The following CHD7 variants were observed in gnomAD, a reference collection of about 807,000 sequenced individuals.
CHD7 encodes chromodomain helicase DNA binding protein 7, also known as ATP-dependent chromatin remodeler CHD7.
A neutral mutation model predicts 307.3 loss-of-function variants in CHD7; 24 were observed. The observed-to-expected ratio is 0.08, with a 90% CI of 0.06 to 0.11. CHD7 has a LOEUF of 0.11. Ranked by LOEUF, CHD7 falls within the 10% of genes least tolerant of loss-of-function variation. CHD7 has a pLI of 1.00. For synonymous variants in CHD7, 1,363 were observed against 1,349.9 expected (o/e 1.01, Z -0.21); for missense variants, 3,106 against 3,727.1 (o/e 0.83, Z 4.34).
At chr8:60,836,030 A>C in intron 15 of CHD7, 43 bp from the exon 16 acceptor site, 1 of 1,458,718 alleles carries the variant, frequency 6.9e-7, no homozygotes, top group Non-Finnish European at 9.4e-7. Context: ...TTAGTAATAA[A>C]AACCTTTTAC....
chr8:60,708,751 G>C (rs1187746703), intron 1 of CHD7, among the ~76,000 whole-genome samples: 6 of 152,122 alleles, frequency 3.9e-5, no homozygotes, highest in Admixed American at 1.3e-4. Context: ...AATTCTGCTT[G>C]TTTTCAGGTT....
chr8:60,683,173 T>C (rs1479272969), intron 1 of CHD7, among the ~76,000 whole-genome samples: 2 of 152,350 alleles, frequency 1.3e-5, no homozygotes, highest in East Asian at 3.9e-4. Context: ...GTTTCATTAG[T>C]TCAGGAGATA....
intron 2 of CHD7, among the ~76,000 whole-genome samples, chr8:60,771,359 T>C (rs2150645114): frequency 6.6e-6 from 1 of 152,358 alleles, no homozygotes; most frequent in South Asian, 2.1e-4. Flanking sequence ...TTTCAGATTT[T>C]GGAATATTTG....
At chr8:60,728,562 G>C (rs1230433221) in intron 1 of CHD7, among the ~76,000 whole-genome samples, 1 of 152,154 alleles carries the variant, frequency 6.6e-6, no homozygotes, top group Non-Finnish European at 1.5e-5. Flanking sequence ...GTCTCGCTCT[G>C]TCGCCCAGGC....
chr8:60,717,672 C>T lies in CHD7; in HGVS notation c.-174-23587C>T, dbSNP rs533040945. ...TGCCATATAATGATGTTTTGGTCAGCGATGGGCCACATATACAACAGTGGT... is the reference window on the plus strand; with the variant it reads ...TGCCATATAATGATGTTTTGGTCAGTGATGGGCCACATATACAACAGTGGT... On this transcript the variant is annotated intron_variant, in intron 1 of 37. Coordinates refer to ENST00000423902, the MANE Select transcript of CHD7 (RefSeq NM_017780.4). 1.6e-4 allele frequency among the ~76,000 whole-genome samples: 24 copies of T among 152,186 alleles called. No homozygotes were observed. In the South Asian group the frequency reaches 4.4e-3, roughly 28 times the overall value.
chr8:60,742,282 G>T lies in CHD7; in HGVS notation c.850G>T (p.Ala284Ser). Residue 284 changes from alanine (A) to serine (S), a missense_variant, in exon 2 of 38, where the codon GCT becomes TCT. Ala to Ser is a moderately conservative substitution (Grantham distance 99). Coordinates refer to ENST00000423902, the MANE Select transcript of CHD7 (RefSeq NM_017780.4). ...RFSPNPPQQGAVRPQTLNFSS... is the reference protein window; with the variant it reads ...RFSPNPPQQGSVRPQTLNFSS... ...CTCCCCGAATCCTCCCCAACAAGGGGCTGTTAGGCCGCAAACCCTTAACTT... is the reference window on the plus strand; with the variant it reads ...CTCCCCGAATCCTCCCCAACAAGGGTCTGTTAGGCCGCAAACCCTTAACTT... 6.2e-7 allele frequency: 1 copy of T among 1,613,912 alleles called. No individual in the cohort carries two copies. Among genetic ancestry groups the T allele is most frequent in the Non-Finnish European group, 8.5e-7 (1 of 1,179,898 alleles).
rs955067555 is a variant in CHD7 at position 60,860,900 on chromosome 8, G to T, written c.7609-4G>T. The T allele has an allele frequency of 1.2e-6, 2 of 1,607,516 alleles. No homozygotes were observed. Among genetic ancestry groups the T allele is most frequent in the East Asian group, 2.2e-5 (1 of 44,824 alleles). On this transcript the variant is annotated splice_region_variant and splice_polypyrimidine_tract_variant and intron_variant, in intron 34 of 37. Coordinates refer to ENST00000423902, the MANE Select transcript of CHD7 (RefSeq NM_017780.4). ...GAATTCATACCATTGTGAACTTTCT[G>T]CAGGAGGATGCTGAGGTGACCAAAG...
intron 2 of CHD7, among the ~76,000 whole-genome samples, chr8:60,753,649 C>T (rs1396585412): frequency 6.6e-6 from 1 of 151,574 alleles, no homozygotes; most frequent in African/African-American, 2.4e-5. Context: ...GAGATGGAGT[C>T]TTGCTCTGTC....
At chr8:60,743,429 CTCTT>C (rs1487927476) in intron 2 of CHD7, among the ~76,000 whole-genome samples, 2 of 152,194 alleles carry the variant, frequency 1.3e-5, no homozygotes, top group African/African-American at 2.4e-5. Context: ...TTTATTCTTT[CTCTT>C]TCTTTGTGTG....
At position 60,802,986 on chromosome 8, in the gene CHD7, G is replaced by A. The variant is rs535796780; in HGVS notation, c.2442+1393G>A. 2.6e-5 allele frequency among the ~76,000 whole-genome samples: 4 copies of A among 152,294 alleles called. No homozygotes were observed. The South Asian group carries it at 8.3e-4, about 32-fold the overall frequency. ...TCCAGTTGAGTATAGGGGATACGGG[G>A]TATGGAGTGACTGGCCATCTTGGTG... On this transcript the variant is annotated intron_variant, in intron 6 of 37. Transcript: ENST00000423902.
Position 60,852,844 on chromosome 8 carries a change from C to T in CHD7, c.6119C>T (p.Ser2040Phe). 1 of 1,612,550 alleles carries T rather than the reference C, an allele frequency of 6.2e-7. No individual in the cohort carries two copies. Among genetic ancestry groups the T allele is most frequent in the Non-Finnish European group, 8.5e-7 (1 of 1,178,768 alleles). Reference sequence around the variant, plus strand: ...TGTGTTACAGAACCGCCCGACCTCTCCTCCATAATTGAGCCGATCACAGAG... The same window carrying T: ...TGTGTTACAGAACCGCCCGACCTCTTCTCCATAATTGAGCCGATCACAGAG... ...VKPDDEPPDL[S>F]SIIEPITEER... is the part of the protein sequence containing the mutation. Residue 2040 changes from serine to phenylalanine, a missense_variant, in exon 31 of 38, where the codon TCC (serine) becomes TTC (phenylalanine). Physicochemically the swap from Ser to Phe is radical, Grantham distance 155. Coordinates refer to ENST00000423902, the MANE Select transcript of CHD7 (RefSeq NM_017780.4).
intron 2 of CHD7, among the ~76,000 whole-genome samples, chr8:60,779,969 C>T (rs758424493): frequency 3.3e-5 from 5 of 152,064 alleles, no homozygotes; most frequent in Admixed American, 1.3e-4. Flanking sequence ...CATAGTAGAT[C>T]GTTTACATTA....
intron 31 of CHD7, 52 bp downstream of exon 31, chr8:60,853,552 G>A: frequency 1.4e-6 from 2 of 1,416,156 alleles, no homozygotes; most frequent in Non-Finnish European, 1.9e-6. Context: ...CTGGTTGTGA[G>A]ATGCGTTGCT....
chr8:60,747,490 GA>G (rs1170468424), intron 2 of CHD7, among the ~76,000 whole-genome samples: 6 of 152,144 alleles, frequency 3.9e-5, no homozygotes, highest in African/African-American at 1.4e-4. Flanking sequence ...TTTAAAAAAT[GA>G]AAGATAAGTT....
intron 2 of CHD7, among the ~76,000 whole-genome samples, chr8:60,745,112 G>A (rs947597771): frequency 6.6e-6 from 1 of 151,808 alleles, no homozygotes; most frequent in African/African-American, 2.4e-5. Flanking sequence ...TCCTCAAAGC[G>A]GACCAAAAGT....
chr8:60,856,905 G>T lies in CHD7; in HGVS notation c.7608+17G>T. ...TTGAGTGCAGTAAGTTGGGGAGCTT[G>T]CCTGCATGGCGATTGCACGTGTTGA... is the stretch of plus-strand genomic sequence containing the variant. On this transcript the variant is annotated intron_variant, in intron 34 of 37. Coordinates refer to ENST00000423902, the MANE Select transcript of CHD7 (RefSeq NM_017780.4). 2 of 1,526,402 alleles carry T rather than the reference G, an allele frequency of 1.3e-6. No individual in the cohort carries two copies. The highest frequency in any genetic ancestry group is 1.8e-6 in the Non-Finnish European group (2 of 1,139,468). The allele number at this position is 1,526,402 out of a possible 1,614,324, so 94.6% of individuals were successfully genotyped here.
At position 60,856,763 on chromosome 8, in the gene CHD7, A is replaced by T. The variant is rs1175584387; in HGVS notation, c.7483A>T (p.Arg2495Trp). The change falls in exon 34 of 38, where the codon AGG becomes TGG. Residue 2495 changes from arginine (R) to tryptophan (W), a missense_variant. By Grantham distance (101) the Arg-to-Trp change is moderately radical. Coordinates refer to ENST00000423902, the MANE Select transcript of CHD7 (RefSeq NM_017780.4). ...LQAGLSRTPT[R>W]HLLNGSLVDG... is the part of the protein sequence containing the mutation. ...AGCAGGCCTTTCGCGCACACCCACA[A>T]GGCATCTCCTTAATGGCTCCCTAGT... 1 of 1,614,028 alleles carries T rather than the reference A, an allele frequency of 6.2e-7. No homozygotes were observed. The highest frequency in any genetic ancestry group is 1.7e-5 in the Admixed American group (1 of 60,026).
rs1804984518 is a variant in CHD7 at position 60,841,754 on chromosome 8, G to A, written c.4644G>A (p.Arg1548=). 2 of 1,604,198 alleles carry A rather than the reference G, an allele frequency of 1.2e-6. No individual in the cohort carries two copies. Among genetic ancestry groups the A allele is most frequent in the African/African-American group, 1.3e-5 (1 of 74,744 alleles). Residue 1548 remains arginine (R), a splice_region_variant and synonymous_variant, in exon 20 of 38, where the codon AGG becomes AGA. Transcript: ENST00000423902. Reference sequence around the variant, plus strand: ...TGGATATTGATGCCTTAAATGGGAGGGTGAGTAAGAAGTCCCATTCGAACA... The same window carrying A: ...TGGATATTGATGCCTTAAATGGGAGAGTGAGTAAGAAGTCCCATTCGAACA... ...AELDIDALNG[R]NNLVIDTPRV... is the part of the protein sequence containing the mutation.
In CHD7 at chr8:60,741,735, G is replaced by C. The variant is rs373868449; in HGVS notation, c.303G>C (p.Pro101=). Residue 101 remains proline (P), a synonymous_variant, in exon 2 of 38, where the codon CCG becomes CCC. Coordinates refer to ENST00000423902, the MANE Select transcript of CHD7 (RefSeq NM_017780.4). ...CCCCTGGGAACGGACTCGCGTCTCC[G>C]CACTCGCAGTATCACACCCCTCCCG... ...SNTPGNGLAS[P]HSQYHTPPVP... is the part of the protein sequence containing the mutation. The C allele has an allele frequency of 1.2e-6, 2 of 1,613,900 alleles. No homozygotes were observed. The highest frequency in any genetic ancestry group is 1.7e-6 in the Non-Finnish European group (2 of 1,179,850).
Sources: allele counts gnomAD v4.1 joint callset (sites outside exome capture counted in the v4.1 genomes callset), GRCh38; gene constraint gnomAD v4.1.1; transcripts MANE v1.5; gene names NCBI Gene and HGNC (gene_info 2026-07-23, HGNC 2026-07-21).